Variants in SMARCA4 observed in about 807,000 individuals in gnomAD.
SMARCA4 encodes SWI/SNF related BAF chromatin remodeling complex subunit ATPase 4.
SMARCA4 carries 31 observed loss-of-function variants against 193.9 expected under a neutral mutation model. That is an observed-to-expected ratio of 0.16 (90% CI 0.12 to 0.22). The LOEUF is 0.22. SMARCA4 is among the 10% of genes least tolerant of loss of function. SMARCA4 has a pLI of 1.00. For synonymous variants in SMARCA4, 942 were observed against 933.1 expected, an observed-to-expected ratio of 1.01 and a Z score of -0.17; for missense variants, 1,148 against 2,296.0, an observed-to-expected ratio of 0.50 and a Z score of 10.22.
Position 10,967,518 on chromosome 19 carries a change from G to A in SMARCA4, c.-32+6344G>A, listed in dbSNP as rs186242415. 1.5e-3 allele frequency among the ~76,000 whole-genome samples: 226 copies of A among 150,530 alleles called. 1 individual carries two copies. Among genetic ancestry groups the A allele is most frequent in the Middle Eastern group, 7.0e-3 (2 of 286 alleles). The stretch of plus-strand genomic sequence containing the variant: ...GTAGAGACGGGGTTTCACCATGTTA[G>A]CCAGGATGGTCTTGATCTCCTGACC... On this transcript the variant is annotated intron_variant, in intron 1 of 34. Transcript: ENST00000344626.
At chr19:11,044,827 A>G (rs1336300970) in intron 30 of SMARCA4, among the ~76,000 whole-genome samples, 1 of 152,220 alleles carries the variant, frequency 6.6e-6, no homozygotes, top group Non-Finnish European at 1.5e-5. Context: ...AGCTGAGTGC[A>G]TCTGTCCACA....
chr19:10,980,526 C>T (rs527963627), intron 1 of SMARCA4, among the ~76,000 whole-genome samples: 77 of 151,846 alleles, frequency 5.1e-4, no homozygotes, highest in African/African-American at 1.8e-3. Context: ...CCCAGCTACT[C>T]GGGAGGCTGA....
chr19:10,974,660 AACATGCATATATATATATATATATATAT>A (rs1254278781), intron 1 of SMARCA4, among the ~76,000 whole-genome samples: 18 of 98,908 alleles, frequency 1.8e-4, no homozygotes, highest in South Asian at 9.5e-4. Flanking sequence ...TGCATGGATT[AACATGCATATATATATATATATATATAT>A]ATTTTTTTTT....
intron 23 of SMARCA4, among the ~76,000 whole-genome samples, chr19:11,026,564 A>G (rs891090639): frequency 2.7e-5 from 4 of 150,220 alleles, no homozygotes; most frequent in African/African-American, 9.9e-5. Flanking sequence ...CAGTGACACA[A>G]TCTCGGCTCA....
intron 34 of SMARCA4, among the ~76,000 whole-genome samples, chr19:11,061,204 AATAT>A (rs55894159): frequency 0.094 from 4,199 of 44,630 alleles, 196 homozygotes; most frequent in Admixed American, 0.14. Flanking sequence ...AAAAAAAAAA[AATAT>A]ATATATATAT....
rs545337191 is a variant in SMARCA4 at position 11,019,436 on chromosome 19, G to C, written c.2506-155G>C. The C allele has an allele frequency of 1.5e-6, 1 of 652,854 alleles. No individual in the cohort carries two copies. The highest frequency in any genetic ancestry group is 1.7e-5 in the South Asian group (1 of 58,566). 40.4% of individuals were successfully genotyped at this position (652,854 alleles called of 1,614,324 possible). A position where few individuals can be genotyped will look rare whatever the true frequency, so the allele number is the denominator to read the frequency against. ...GTTCTGCGTGGTGAGGTCTGGGGAC[G>C]CGCCAGCGGCCCTGCCAGCCCCTTT... On this transcript the variant is annotated intron_variant, in intron 17 of 34. Transcript: ENST00000344626. The surrounding 1 kb of genome is among the most constrained non-coding windows in gnomAD (Gnocchi z 6.1).
chr19:11,049,483 G>GTTTTTTTTTTTTTTT (rs1252732386), intron 30 of SMARCA4, among the ~76,000 whole-genome samples: 1 of 140,010 alleles, frequency 7.1e-6, no homozygotes. Context: ...CCTGGGTTCT[G>GTTTTTTTTTTTTTTT]TGTTTTTTTT....
rs139857501 is a variant in SMARCA4 at position 11,046,681 on chromosome 19, G to A, written c.4424+5121G>A. Among the ~76,000 whole-genome samples the A allele has an allele frequency of 1.4e-4, 21 of 152,236 alleles. 1 individual carries two copies. The highest frequency in any genetic ancestry group is 6.2e-4 in the South Asian group (3 of 4,822). ...CGTTGAAAAGCTACCTCAGCTGGGC[G>A]TAGTGGTCACGCCTGTAATCCCAGA... On this transcript the variant is annotated intron_variant, in intron 30 of 34. Transcript: ENST00000344626.
chr19:11,003,710 CA>C (rs149979059), intron 13 of SMARCA4, among the ~76,000 whole-genome samples: 1 of 150,112 alleles, frequency 6.7e-6, no homozygotes, highest in Admixed American at 6.7e-5. Context: ...CTCATTTGCC[CA>C]TTTTTTTTTT....
intron 30 of SMARCA4, among the ~76,000 whole-genome samples, chr19:11,045,282 G>T (rs1039592724): frequency 2.0e-5 from 3 of 151,956 alleles, no homozygotes; most frequent in East Asian, 1.9e-4. Context: ...ACCGCGCCAC[G>T]GCACTCCAGC....
At chr19:11,011,530 T>C (rs1042175602) in intron 15 of SMARCA4, among the ~76,000 whole-genome samples, 1 of 152,178 alleles carries the variant, frequency 6.6e-6, no homozygotes, top group Non-Finnish European at 1.5e-5. Flanking sequence ...CAGCCCCAAC[T>C]TTCTTTAAGA....
chr19:11,061,224 T>C (rs1254852920), intron 34 of SMARCA4, among the ~76,000 whole-genome samples: 1 of 135,638 alleles, frequency 7.4e-6, no homozygotes, highest in Non-Finnish European at 1.6e-5. Context: ...TATATATATA[T>C]ATATATATAT....
chr19:10,987,656 C>T lies in SMARCA4; in HGVS notation c.860-10C>T, dbSNP rs777131262. On this transcript the variant is annotated splice_polypyrimidine_tract_variant and intron_variant, in intron 5 of 34. Coordinates refer to ENST00000344626, the MANE Select transcript of SMARCA4 (RefSeq NM_003072.5). The surrounding 1 kb of genome is among the most constrained non-coding windows in gnomAD (Gnocchi z 5.3). Reference sequence around the variant, plus strand: ...TCAACATGACGCCCTGGCCCCTTGCCTTCTCCCAGGACCCATGGCGAATGC... The same window carrying T: ...TCAACATGACGCCCTGGCCCCTTGCTTTCTCCCAGGACCCATGGCGAATGC... 4.3e-6 allele frequency: 7 copies of T among 1,613,094 alleles called. No homozygotes were observed. In the South Asian group the frequency reaches 5.5e-5, roughly 13 times the overall value.
chr19:11,009,194 GTGTTTT>G (rs1183323987), intron 14 of SMARCA4, among the ~76,000 whole-genome samples: 2 of 151,086 alleles, frequency 1.3e-5, no homozygotes, highest in African/African-American at 4.9e-5. Context: ...GCTAATTTTT[GTGTTTT>G]TAGTAGAGAT....
Position 11,033,955 on chromosome 19 carries a change from C to T in SMARCA4, c.3873+90C>T, listed in dbSNP as rs1300129014. On this transcript the variant is annotated intron_variant, in intron 27 of 34. Coordinates refer to ENST00000344626, the MANE Select transcript of SMARCA4 (RefSeq NM_003072.5). The surrounding 1 kb of genome is among the most constrained non-coding windows in gnomAD (Gnocchi z 9.8). Reference sequence around the variant, plus strand: ...AAGGGCCCTGGTCCCACGGAGCGTGCGTGTGCGTGTGCGTGTGTGTGCCTT... The same window carrying T: ...AAGGGCCCTGGTCCCACGGAGCGTGTGTGTGCGTGTGCGTGTGTGTGCCTT... 14 of 741,992 alleles carry T rather than the reference C, an allele frequency of 1.9e-5. No homozygotes were observed. The highest frequency in any genetic ancestry group is 7.6e-5 in the East Asian group (3 of 39,250). 46.0% of individuals were successfully genotyped at this position (741,992 alleles called of 1,614,324 possible). A position where few individuals can be genotyped will look rare whatever the true frequency, so the allele number is the denominator to read the frequency against.
chr19:10,979,515 C>G (rs1050472117), intron 1 of SMARCA4, among the ~76,000 whole-genome samples: 1 of 150,188 alleles, frequency 6.7e-6, no homozygotes, highest in Non-Finnish European at 1.5e-5. Context: ...TACTCAGCCT[C>G]CTGAGTATAA....
At chr19:11,003,800 C>T (rs1167470502) in intron 13 of SMARCA4, among the ~76,000 whole-genome samples, 1 of 151,686 alleles carries the variant, frequency 6.6e-6, no homozygotes, top group Non-Finnish European at 1.5e-5. Flanking sequence ...CAACCTCCAC[C>T]TCCCGGGTTC....
At chr19:11,026,262 TC>T in intron 22 of SMARCA4, 37 bp from the exon 23 acceptor site, 4 of 1,587,830 alleles carry the variant, frequency 2.5e-6, no homozygotes, top group Non-Finnish European at 3.5e-6. Context: ...GGTGGCCTGC[TC>T]CTGCCTGTCA....
chr19:11,008,354 C>T (rs1201104701), intron 14 of SMARCA4: 2 of 365,852 alleles, frequency 5.5e-6, no homozygotes, highest in South Asian at 2.1e-5. Flanking sequence ...GTGTCATCTT[C>T]CAGAGATGCT....
Sources: allele counts gnomAD v4.1 joint callset (sites outside exome capture counted in the v4.1 genomes callset), GRCh38; gene constraint gnomAD v4.1.1; non-coding constraint Gnocchi (gnomAD v3.1); transcripts MANE v1.5; gene names NCBI Gene and HGNC (gene_info 2026-07-23, HGNC 2026-07-21).